The following RPS6KC1 variants were observed in gnomAD, a reference collection of about 807,000 sequenced individuals.
The protein encoded by RPS6KC1 is ribosomal protein S6 kinase C1, also known as inactive ribosomal protein S6 kinase delta-1.
In RPS6KC1, 54 loss-of-function variants were observed where a neutral mutation model predicts 103.8. The observed-to-expected ratio is 0.52, with a 90% CI of 0.42 to 0.65. The LOEUF (loss-of-function observed/expected upper bound fraction) is 0.65. Ranked by LOEUF, RPS6KC1 falls within the 30% of genes least tolerant of loss-of-function variation. The pLI, the probability that RPS6KC1 is intolerant of heterozygous loss-of-function variation, is 0.00. For synonymous variants in RPS6KC1, 439 were observed against 438.7 expected, an observed-to-expected ratio of 1.00 and a Z score of -0.01; for missense variants, 1,151 against 1,253.8, an observed-to-expected ratio of 0.92 and a Z score of 1.24.
intron 6 of RPS6KC1, among the ~76,000 whole-genome samples, chr1:213,153,282 C>G: frequency 6.6e-6 from 1 of 150,692 alleles, no homozygotes; most frequent in East Asian, 2.0e-4. Context: ...GAGGCAAAGG[C>G]AGGCGCAGAG....
the RPS6KC1 span, among the ~76,000 whole-genome samples, chr1:213,744,531 C>A: frequency 6.6e-6 from 1 of 152,224 alleles, no homozygotes; most frequent in Admixed American, 6.5e-5. Context: ...CCAGGCAAGC[C>A]TGGCTCTGCT....
At chr1:213,081,306 G>A (rs1045123254) in intron 3 of RPS6KC1, among the ~76,000 whole-genome samples, 5 of 152,158 alleles carry the variant, frequency 3.3e-5, no homozygotes, top group African/African-American at 1.2e-4. Context: ...TCCACTCATG[G>A]CAGAAGGGGA....
the RPS6KC1 span, among the ~76,000 whole-genome samples, chr1:213,665,377 TAC>T: frequency 6.6e-6 from 1 of 151,796 alleles, no homozygotes; most frequent in Non-Finnish European, 1.5e-5. Flanking sequence ...ATAGAGAATT[TAC>T]ACACACACAC....
the RPS6KC1 span, among the ~76,000 whole-genome samples, chr1:213,858,556 C>G: frequency 1.1e-4 from 16 of 152,176 alleles, no homozygotes; most frequent in African/African-American, 3.9e-4. Flanking sequence ...ACAAAGACAT[C>G]TCATAACCAG....
chr1:213,400,656 G>A, the RPS6KC1 span, among the ~76,000 whole-genome samples: 1 of 151,618 alleles, frequency 6.6e-6, no homozygotes, highest in Non-Finnish European at 1.5e-5. Context: ...GTTCCCTGTT[G>A]TTCTATATTT....
rs114598594 is a variant in RPS6KC1 at position 213,083,531 on chromosome 1, A to T, written c.262+5715A>T. Among the ~76,000 whole-genome samples, 430 of 152,316 alleles carry T rather than the reference A, an allele frequency of 2.8e-3. 1 individual carries two copies. Among genetic ancestry groups the T allele is most frequent in the African/African-American group, 9.0e-3 (373 of 41,570 alleles). ...TAGTTTCACAGGTTAGGAAGATTGT[A>T]CTTAAGGAGCTACACTTAGGGAACG... On this transcript the variant is annotated intron_variant, in intron 3 of 14. Coordinates refer to ENST00000366960, the MANE Select transcript of RPS6KC1 (RefSeq NM_012424.6).
intron 12 of RPS6KC1, among the ~76,000 whole-genome samples, chr1:213,256,410 A>G (rs2094644185): frequency 6.6e-6 from 1 of 152,060 alleles, no homozygotes; most frequent in Non-Finnish European, 1.5e-5. Context: ...AAGCCCACTG[A>G]GGAGTGGGAA....
At chr1:213,650,463 C>T in the RPS6KC1 span, among the ~76,000 whole-genome samples, 3 of 152,344 alleles carry the variant, frequency 2.0e-5, no homozygotes, top group South Asian at 2.1e-4. Flanking sequence ...GAGGCACAAG[C>T]TCCCTCCCTC....
At chr1:213,557,309 T>A in the RPS6KC1 span, among the ~76,000 whole-genome samples, 1 of 152,198 alleles carries the variant, frequency 6.6e-6, no homozygotes, top group African/African-American at 2.4e-5. Context: ...CATCACCTTT[T>A]TCCTAAGTCA....
chr1:213,237,063 ATCTG>A lies in RPS6KC1; in HGVS notation c.1226-3633_1226-3630del, dbSNP rs1404142586. On this transcript the variant is annotated intron_variant, in intron 10 of 14. Coordinates refer to ENST00000366960, the MANE Select transcript of RPS6KC1 (RefSeq NM_012424.6). ...CTATGTTTATAAACATTCACTCCCT[ATCTG>A]TCTGTTTTTAAAAAACTTAAATGGG... Among the ~76,000 whole-genome samples the A allele has an allele frequency of 4.0e-5, 6 of 150,396 alleles. No individual in the cohort carries two copies. In the East Asian group the frequency reaches 9.7e-4, roughly 24 times the overall value.
At chr1:213,593,476 A>G in the RPS6KC1 span, among the ~76,000 whole-genome samples, 1 of 152,210 alleles carries the variant, frequency 6.6e-6, no homozygotes, top group Admixed American at 6.5e-5. Flanking sequence ...AGCAACACAC[A>G]CATACACCCA....
At chr1:213,170,497 A>G (rs2091385821) in intron 7 of RPS6KC1, among the ~76,000 whole-genome samples, 1 of 152,236 alleles carries the variant, frequency 6.6e-6, no homozygotes, top group African/African-American at 2.4e-5. Context: ...ATCCTGTAGC[A>G]TAGTTGAGGA....
chr1:213,150,286 A>T (rs2088518789), intron 6 of RPS6KC1, among the ~76,000 whole-genome samples: 1 of 143,558 alleles, frequency 7.0e-6, no homozygotes. Flanking sequence ...TTTTGTATGT[A>T]CATTATATGT....
chr1:213,834,604 A>T, the RPS6KC1 span, among the ~76,000 whole-genome samples: 2 of 152,028 alleles, frequency 1.3e-5, no homozygotes, highest in Non-Finnish European at 2.9e-5. Context: ...ATCACTAACA[A>T]CCTATTCTTA....
chr1:213,098,809 A>G (rs1254246015), intron 3 of RPS6KC1, among the ~76,000 whole-genome samples: 1 of 152,252 alleles, frequency 6.6e-6, no homozygotes, highest in Admixed American at 6.5e-5. Flanking sequence ...AAGTGAGCAC[A>G]TGCTGTTGGA....
At chr1:213,582,439 C>T in the RPS6KC1 span, among the ~76,000 whole-genome samples, 9 of 152,234 alleles carry the variant, frequency 5.9e-5, no homozygotes, top group South Asian at 8.3e-4. Context: ...TCCTTACTGA[C>T]GGCACATGGC....
At chr1:213,686,280 C>T in the RPS6KC1 span, among the ~76,000 whole-genome samples, 1 of 152,286 alleles carries the variant, frequency 6.6e-6, no homozygotes, top group South Asian at 2.1e-4. Context: ...TTGGAGAATG[C>T]GTGGTGGCCT....
the RPS6KC1 span, among the ~76,000 whole-genome samples, chr1:213,676,318 TC>T: frequency 6.6e-6 from 1 of 152,108 alleles, no homozygotes; most frequent in Non-Finnish European, 1.5e-5. Context: ...GCCCTTGGGG[TC>T]CTTTAAAGGC....
intron 6 of RPS6KC1, among the ~76,000 whole-genome samples, chr1:213,161,578 C>T (rs1201267207): frequency 2.6e-5 from 4 of 152,188 alleles, no homozygotes; most frequent in African/African-American, 7.2e-5. Flanking sequence ...GCTTTGGCCT[C>T]CCAAAGTGCT....
Sources: allele counts gnomAD v4.1 joint callset (sites outside exome capture counted in the v4.1 genomes callset), GRCh38; gene constraint gnomAD v4.1.1; transcripts MANE v1.5; gene names NCBI Gene and HGNC (gene_info 2026-07-23, HGNC 2026-07-21).